Variants in NLGN1 observed in about 807,000 individuals in gnomAD.
The protein encoded by NLGN1 is neuroligin-1.
In NLGN1, 12 loss-of-function variants were observed where a neutral mutation model predicts 65.5. The observed-to-expected ratio is 0.18, with a 90% CI of 0.12 to 0.30. NLGN1 has a LOEUF of 0.30. NLGN1 is among the 10% of genes least tolerant of loss of function. The probability of loss-of-function intolerance (pLI) is 1.00; values close to 1 mark genes in which losing one functional copy is unlikely to be tolerated. For missense variants in NLGN1, 750 were observed against 1,007.1 expected (o/e 0.74, Z 3.46); for synonymous variants, 350 against 359.5 (o/e 0.97, Z 0.30).
At chr3:173,592,478 C>T (rs1041316702) in intron 2 of NLGN1, among the ~76,000 whole-genome samples, 3 of 152,102 alleles carry the variant, frequency 2.0e-5, no homozygotes, top group Non-Finnish European at 2.9e-5. Context: ...AATTAGCTGC[C>T]AGTCTACATG....
At chr3:173,742,552 G>A (rs2150113359) in intron 3 of NLGN1, among the ~76,000 whole-genome samples, 1 of 152,164 alleles carries the variant, frequency 6.6e-6, no homozygotes, top group East Asian at 1.9e-4. Context: ...AAGATTAAGA[G>A]ATTTCTTTAA....
intron 2 of NLGN1, among the ~76,000 whole-genome samples, chr3:173,582,716 A>G (rs1225097062): frequency 6.6e-6 from 1 of 152,076 alleles, no homozygotes; most frequent in Non-Finnish European, 1.5e-5. Context: ...CATTGCAAAT[A>G]TCTTTTATGA....
intron 4 of NLGN1, among the ~76,000 whole-genome samples, chr3:174,120,343 A>AT (rs1341638028): frequency 7.0e-6 from 1 of 143,846 alleles, no homozygotes; most frequent in African/African-American, 2.8e-5. Context: ...TCTACTATAA[A>AT]TAAAAAAAAA....
intron 3 of NLGN1, among the ~76,000 whole-genome samples, chr3:173,664,471 T>A (rs1335954053): frequency 6.6e-6 from 1 of 152,108 alleles, no homozygotes; most frequent in Non-Finnish European, 1.5e-5. Flanking sequence ...TATAGTCACA[T>A]CATCTGTTTA....
chr3:173,420,662 C>T (rs1295070240), intron 1 of NLGN1, among the ~76,000 whole-genome samples: 1 of 152,174 alleles, frequency 6.6e-6, no homozygotes, highest in African/African-American at 2.4e-5. Flanking sequence ...ACACCGACTT[C>T]CACAATGGTT....
intron 2 of NLGN1, among the ~76,000 whole-genome samples, chr3:173,485,495 G>T (rs1393285524): frequency 6.6e-6 from 1 of 152,066 alleles, no homozygotes; most frequent in Admixed American, 6.6e-5. Flanking sequence ...CTAGAATTTT[G>T]TTGGGAGTCG....
rs1265242971 is a variant in NLGN1 at position 173,770,463 on chromosome 3, A to T, written c.494-37217A>T. On this transcript the variant is annotated intron_variant, in intron 3 of 6. Transcript: ENST00000457714. ...TAAAAGTTTTATAAGTTAAAGAGTC[A>T]TATGGATACTTAATTACTTTGTTGC... Among the ~76,000 whole-genome samples, 5 of 152,344 alleles carry T rather than the reference A, an allele frequency of 3.3e-5. No homozygotes were observed. In the East Asian group the frequency reaches 9.6e-4, roughly 29 times the overall value.
chr3:173,458,299 A>C (rs1223127025), intron 2 of NLGN1, among the ~76,000 whole-genome samples: 1 of 151,902 alleles, frequency 6.6e-6, no homozygotes, highest in Non-Finnish European at 1.5e-5. Context: ...CATAATCCTG[A>C]AGGTCAGACG....
At chr3:173,772,113 A>G (rs1779675189) in intron 3 of NLGN1, among the ~76,000 whole-genome samples, 2 of 152,184 alleles carry the variant, frequency 1.3e-5, no homozygotes, top group Admixed American at 6.5e-5. Context: ...AGAGGAAAGT[A>G]AAAAGATTTA....
chr3:173,604,635 T>C, exon 3 of NLGN1: 3 of 1,613,606 alleles, frequency 1.9e-6, no homozygotes, highest in Non-Finnish European at 2.5e-6. Flanking sequence ...AAATTATGTT[T>C]GGAGAGCAGT....
chr3:174,102,432 A>T (rs548585256), intron 4 of NLGN1, among the ~76,000 whole-genome samples: 1 of 152,266 alleles, frequency 6.6e-6, no homozygotes, highest in South Asian at 2.1e-4. Flanking sequence ...AATATTACAG[A>T]TGTGGAAAAG....
At chr3:174,228,652 AT>A (rs1417196530) in intron 4 of NLGN1, among the ~76,000 whole-genome samples, 1 of 152,066 alleles carries the variant, frequency 6.6e-6, no homozygotes, top group Non-Finnish European at 1.5e-5. Context: ...TTTGCGCTTT[AT>A]CTAAGTTGGG....
intron 4 of NLGN1, among the ~76,000 whole-genome samples, chr3:173,881,626 C>T (rs1733333027): frequency 6.6e-6 from 1 of 151,830 alleles, no homozygotes; most frequent in African/African-American, 2.4e-5. Context: ...CGGGGTTTCA[C>T]TATTGTAGCC....
intron 4 of NLGN1, among the ~76,000 whole-genome samples, chr3:174,262,079 G>A (rs1177736414): frequency 4.7e-5 from 6 of 127,140 alleles, no homozygotes; most frequent in South Asian, 2.9e-4. Context: ...TGCTGGATTC[G>A]TTTTGCCAGT....
chr3:174,051,399 C>A (rs1734837714), intron 4 of NLGN1, among the ~76,000 whole-genome samples: 1 of 152,096 alleles, frequency 6.6e-6, no homozygotes, highest in Admixed American at 6.6e-5. Context: ...CCATTCTCAT[C>A]TATGTGGCTG....
At chr3:174,080,922 G>GGTGTGTGTGTGTGTGTGTGTGTGTGT (rs571057944) in intron 4 of NLGN1, among the ~76,000 whole-genome samples, 138 of 141,268 alleles carry the variant, frequency 9.8e-4, no homozygotes, top group African/African-American at 3.3e-3. Context: ...TGACATTCCT[G>GGTGTGTGTGTGTGTGTGTGTGTGTGT]GTGTGTGTGT....
chr3:173,464,435 A>ATT (rs10649807), intron 2 of NLGN1, among the ~76,000 whole-genome samples: 68,167 of 138,498 alleles, frequency 0.49, 18,374 homozygotes, highest in East Asian at 0.84. Context: ...ATCAGTTACA[A>ATT]TTTTTTTTTT....
chr3:174,265,070 C>T lies in NLGN1; in HGVS notation c.647-10245C>T, dbSNP rs1443849199. ...CTCCAGCTGCGTGCTGGGAGAACCACTGCTCTCTTCAAAGCTGTCAGACAG... is the reference window on the plus strand; with the variant it reads ...CTCCAGCTGCGTGCTGGGAGAACCATTGCTCTCTTCAAAGCTGTCAGACAG... On this transcript the variant is annotated intron_variant, in intron 4 of 6. Coordinates refer to ENST00000457714, the Ensembl canonical transcript of NLGN1. Among the ~76,000 whole-genome samples, 668 of 152,076 alleles carry T rather than the reference C, an allele frequency of 4.4e-3. 6 individuals are homozygous for T. Among genetic ancestry groups the T allele is most frequent in the African/African-American group, 0.015 (635 of 41,454 alleles).
At chr3:173,636,525 C>T (rs576178101) in intron 3 of NLGN1, among the ~76,000 whole-genome samples, 1 of 151,976 alleles carries the variant, frequency 6.6e-6, no homozygotes, top group Non-Finnish European at 1.5e-5. Context: ...AATCAGAGCA[C>T]TCCTTATTCT....
Sources: gnomAD v4.1 joint callset for allele counts (sites outside exome capture counted in the v4.1 genomes callset) on GRCh38, gnomAD v4.1.1 for gene constraint, MANE v1.5 for transcripts, NCBI Gene and HGNC (gene_info 2026-07-23, HGNC 2026-07-21) for gene names.